Variants in PRDM16 observed in about 807,000 individuals in gnomAD.
PRDM16 encodes histone-lysine N-methyltransferase PRDM16.
Under a neutral mutation model 110.6 loss-of-function variants are expected in PRDM16, and 23 were observed. That is an observed-to-expected ratio of 0.21 (90% CI 0.15 to 0.29). The LOEUF is 0.29. PRDM16 is among the 10% of genes least tolerant of loss of function. The probability of loss-of-function intolerance (pLI) is 1.00; values close to 1 mark genes in which losing one functional copy is unlikely to be tolerated. For missense variants in PRDM16, 1,615 were observed against 1,794.3 expected (o/e 0.90, Z 1.81); for synonymous variants, 799 against 781.8 (o/e 1.02, Z -0.37).
At chr1:3,122,969 G>A (rs1357086472) in intron 1 of PRDM16, among the ~76,000 whole-genome samples, 3 of 152,210 alleles carry the variant, frequency 2.0e-5, no homozygotes. Flanking sequence ...GGCTCAGGGG[G>A]TCTTGGTGCT....
At position 3,334,446 on chromosome 1, in the gene PRDM16, A is replaced by G. The variant is rs78738711; in HGVS notation, c.439-50706A>G. Among the ~76,000 whole-genome samples the G allele has an allele frequency of 9.9e-3, 1,495 of 151,038 alleles. 14 individuals carry two copies. Among genetic ancestry groups the G allele is most frequent in the African/African-American group, 0.034 (1,383 of 41,222 alleles). On this transcript the variant is annotated intron_variant, in intron 3 of 16. Coordinates refer to ENST00000270722, the MANE Select transcript of PRDM16 (RefSeq NM_022114.4). ...GAGAGCCCCAGATGTCACTAGGGTC[A>G]TTTCTGAAGTGAAGCATGGCTGAGG... is the stretch of plus-strand genomic sequence containing the variant.
At chr1:3,277,102 C>T (rs1037061577) in intron 3 of PRDM16, among the ~76,000 whole-genome samples, 5 of 152,294 alleles carry the variant, frequency 3.3e-5, no homozygotes, top group Non-Finnish European at 5.9e-5. Flanking sequence ...ACCAGCCATT[C>T]GTCACCTGCT....
chr1:3,257,444 GCTC>G (rs1405874951), intron 3 of PRDM16, among the ~76,000 whole-genome samples: 3 of 152,212 alleles, frequency 2.0e-5, no homozygotes, highest in African/African-American at 7.2e-5. Context: ...GTCCCAGAGA[GCTC>G]CTCAAGTTTT....
Position 3,143,069 on chromosome 1 carries a change from G to A in PRDM16, c.38-43056G>A, listed in dbSNP as rs1643582879. 1.3e-5 allele frequency among the ~76,000 whole-genome samples: 2 copies of A among 152,228 alleles called. No homozygotes were observed. Among genetic ancestry groups the A allele is most frequent in the African/African-American group, 4.8e-5 (2 of 41,454 alleles). On this transcript the variant is annotated intron_variant, in intron 1 of 16. Coordinates refer to ENST00000270722, the MANE Select transcript of PRDM16 (RefSeq NM_022114.4). The surrounding 1 kb of genome is among the most constrained non-coding windows in gnomAD (Gnocchi z 4.5). Reference sequence around the variant, plus strand: ...CATAGGGGCTGGAGAATTCGTACCCGCGGGCACCCATGGAAGCCTGAGCTC... The same window carrying A: ...CATAGGGGCTGGAGAATTCGTACCCACGGGCACCCATGGAAGCCTGAGCTC...
chr1:3,405,414 C>T (rs1643544958), intron 7 of PRDM16, 81 bp from the exon 8 acceptor site: 1 of 1,438,388 alleles, frequency 7.0e-7, no homozygotes, highest in African/African-American at 1.5e-5. Flanking sequence ...CTGCCCCCCA[C>T]AGCCGGTTGG....
At chr1:3,071,047 G>A (rs976706524) in intron 1 of PRDM16, among the ~76,000 whole-genome samples, 1 of 152,264 alleles carries the variant, frequency 6.6e-6, no homozygotes, top group African/African-American at 2.4e-5. Context: ...GTTCGGGTTC[G>A]GTTCTGTGTG....
intron 8 of PRDM16, among the ~76,000 whole-genome samples, chr1:3,408,125 T>C (rs571759435): frequency 6.2e-4 from 95 of 152,266 alleles, no homozygotes; most frequent in African/African-American, 2.2e-3. Flanking sequence ...TTTCCAGGAA[T>C]GGTCAGTTGC....
At chr1:3,348,602 A>AG (rs1203902603) in intron 3 of PRDM16, among the ~76,000 whole-genome samples, 2 of 152,186 alleles carry the variant, frequency 1.3e-5, no homozygotes, top group Non-Finnish European at 2.9e-5. Flanking sequence ...CAGCAGAAGG[A>AG]GGGGGGCTTC....
intron 3 of PRDM16, among the ~76,000 whole-genome samples, chr1:3,341,151 C>T (rs1039479512): frequency 3.9e-5 from 6 of 152,192 alleles, no homozygotes; most frequent in African/African-American, 1.2e-4. Flanking sequence ...GTGAGCCATC[C>T]AGGCCACAGA....
At chr1:3,145,136 A>G (rs972795629) in intron 1 of PRDM16, among the ~76,000 whole-genome samples, 2 of 152,202 alleles carry the variant, frequency 1.3e-5, no homozygotes, top group Non-Finnish European at 2.9e-5. Context: ...CATGCCACCC[A>G]GCCAGGCTTC....
At chr1:3,277,828 T>G (rs1640626257) in intron 3 of PRDM16, among the ~76,000 whole-genome samples, 2 of 151,654 alleles carry the variant, frequency 1.3e-5, no homozygotes, top group African/African-American at 2.4e-5. Context: ...CATATGCACA[T>G]GCACACACGT....
chr1:3,403,475 CCTT>C (rs759994064), intron 6 of PRDM16, among the ~76,000 whole-genome samples: 25 of 152,234 alleles, frequency 1.6e-4, no homozygotes, highest in African/African-American at 4.1e-4. Flanking sequence ...ACGAGCAGCT[CCTT>C]CTCAGATGGT....
chr1:3,312,879 C>T (rs1035592882), intron 3 of PRDM16, among the ~76,000 whole-genome samples: 5 of 152,228 alleles, frequency 3.3e-5, no homozygotes, highest in Non-Finnish European at 7.3e-5. Context: ...CTTTTCAAAA[C>T]ACACACGTGT....
chr1:3,266,799 C>T (rs1640305230), intron 3 of PRDM16, among the ~76,000 whole-genome samples: 1 of 152,222 alleles, frequency 6.6e-6, no homozygotes, highest in African/African-American at 2.4e-5. Flanking sequence ...CCTCAGCCTC[C>T]TGAGTAGCTG....
intron 1 of PRDM16, among the ~76,000 whole-genome samples, chr1:3,115,077 C>A (rs188036838): frequency 6.6e-6 from 1 of 152,384 alleles, no homozygotes; most frequent in African/African-American, 2.4e-5. Flanking sequence ...GCCTGGCCAG[C>A]CTCTGAGCCT....
chr1:3,153,525 A>G (rs1288621011), intron 1 of PRDM16, among the ~76,000 whole-genome samples: 1 of 152,192 alleles, frequency 6.6e-6, no homozygotes, highest in African/African-American at 2.4e-5. Flanking sequence ...GCAATCCATC[A>G]TGTGCTGCAG....
chr1:3,431,987 C>T lies in PRDM16; in HGVS notation c.3543C>T (p.Gly1181=), dbSNP rs1488874823. ...HTRRCAEDHE[G]GLLALEPMPT... is the part of the protein sequence containing the mutation. ...GCAGGTGTGCTGAGGACCACGAAGG[C>T]GGTCTGTTAGCTTTGGAGCCGATGC... The change falls in exon 16 of 17, where the codon GGC becomes GGT. Residue 1181 remains glycine, a synonymous_variant. Transcript: ENST00000270722. 12 of 1,613,466 alleles carry T rather than the reference C, an allele frequency of 7.4e-6. No individual in the cohort carries two copies. Among genetic ancestry groups the T allele is most frequent in the Admixed American group, 1.7e-5 (1 of 59,998 alleles).
At chr1:3,165,884 C>CACAGGGACTCACCTGGGCTCAGGG (rs1557496212) in intron 1 of PRDM16, among the ~76,000 whole-genome samples, 2 of 20,720 alleles carry the variant, frequency 9.7e-5, no homozygotes, top group Non-Finnish European at 1.5e-4. Context: ...AGGGCTCAGG[C>CACAGGGACTCACCTGGGCTCAGGG]ACAGGGACTC....
intron 3 of PRDM16, among the ~76,000 whole-genome samples, chr1:3,281,484 A>G (rs1569986587): frequency 1.3e-5 from 2 of 152,374 alleles, no homozygotes; most frequent in African/African-American, 4.8e-5. Flanking sequence ...TCAGTCATTC[A>G]CAACTTAGCA....
Sources: gnomAD v4.1 joint callset for allele counts (sites outside exome capture counted in the v4.1 genomes callset) on GRCh38, gnomAD v4.1.1 for gene constraint, Gnocchi (gnomAD v3.1) non-coding constraint, MANE v1.5 for transcripts, NCBI Gene and HGNC (gene_info 2026-07-23, HGNC 2026-07-21) for gene names.